VWF: variants seen among roughly 807,000 people sequenced by gnomAD.
VWF encodes von Willebrand factor.
In VWF, 176 loss-of-function variants were observed where a neutral mutation model predicts 308.6. That is an observed-to-expected ratio of 0.57 (90% CI 0.50 to 0.65). VWF has a LOEUF of 0.65. VWF is among the 30% of genes least tolerant of loss of function. The pLI is 0.00. For synonymous variants in VWF, 1,385 were observed against 1,443.4 expected, an observed-to-expected ratio of 0.96 and a Z score of 0.92; for missense variants, 3,146 against 3,648.2, an observed-to-expected ratio of 0.86 and a Z score of 3.55.
At chr12:6,049,791 G>C (rs1944488286) in intron 16 of VWF, among the ~76,000 whole-genome samples, 1 of 152,266 alleles carries the variant, frequency 6.6e-6, no homozygotes, top group South Asian at 2.1e-4. Flanking sequence ...CAAGTCAGCA[G>C]TCCTGCAGAG....
chr12:6,015,959 G>C, intron 31 of VWF, 130 bp downstream of exon 31: 1 of 1,204,578 alleles, frequency 8.3e-7, no homozygotes, highest in South Asian at 1.3e-5. Flanking sequence ...TTGAAACCAG[G>C]ACAGAGGTTG....
At chr12:6,122,968 T>G in intron 2 of VWF, 174 bp downstream of exon 2, 1 of 819,250 alleles carries the variant, frequency 1.2e-6, no homozygotes, top group Admixed American at 1.7e-5. Flanking sequence ...ACCTGGTCTC[T>G]GGAATACAAG....
intron 5 of VWF, among the ~76,000 whole-genome samples, chr12:6,103,679 A>G (rs1945209723): frequency 6.6e-6 from 1 of 152,010 alleles, no homozygotes; most frequent in Non-Finnish European, 1.5e-5. Context: ...ACCCTCTTCA[A>G]CAAATGTTGC....
chr12:6,066,162 T>C (rs1413727171), intron 10 of VWF, among the ~76,000 whole-genome samples: 1 of 152,070 alleles, frequency 6.6e-6, no homozygotes, highest in Non-Finnish European at 1.5e-5. Flanking sequence ...CTAGGCCCCA[T>C]ACTTGTGGCC....
chr12:5,985,221 G>T, intron 39 of VWF, 102 bp from the exon 40 acceptor site: 1 of 1,233,202 alleles, frequency 8.1e-7, no homozygotes, highest in Non-Finnish European at 1.2e-6. Flanking sequence ...TAGGAGTTCT[G>T]TACGGTCATC....
At chr12:6,073,586 T>C (rs752419629) in intron 8 of VWF, 33 bp downstream of exon 8, 2 of 1,613,688 alleles carry the variant, frequency 1.2e-6, no homozygotes, top group Non-Finnish European at 1.7e-6. Context: ...TGGCAAGGTC[T>C]CTGATCTGTA....
chr12:6,009,661 A>C (rs1943969570), intron 34 of VWF, among the ~76,000 whole-genome samples: 1 of 152,242 alleles, frequency 6.6e-6, no homozygotes, highest in Admixed American at 6.5e-5. Context: ...GATCTCAAAA[A>C]GGTACTTATA....
chr12:6,036,411 T>C lies in VWF; in HGVS notation c.2523A>G (p.Thr841=). The C allele has an allele frequency of 6.2e-7, 1 of 1,614,216 alleles. No individual in the cohort carries two copies. Among genetic ancestry groups the C allele is most frequent in the Non-Finnish European group, 8.5e-7 (1 of 1,180,024 alleles). ...ACCAAGTGTTGCAGCCAATCTTCACTGTTTCTCCAGGGGCATACTCCTTGC... is the reference window on the plus strand; with the variant it reads ...ACCAAGTGTTGCAGCCAATCTTCACCGTTTCTCCAGGGGCATACTCCTTGC... The part of the protein sequence containing the change: ...HQGKEYAPGE[T]VKIGCNTCVC... The change falls in exon 19 of 52, where the codon ACA becomes ACG. Residue 841 remains threonine, a synonymous_variant. Coordinates refer to ENST00000261405, the MANE Select transcript of VWF (RefSeq NM_000552.5).
At chr12:6,106,023 C>T (rs1400979016) in intron 5 of VWF, among the ~76,000 whole-genome samples, 1 of 152,008 alleles carries the variant, frequency 6.6e-6, no homozygotes, top group East Asian at 1.9e-4. Flanking sequence ...AGCCTGGCGA[C>T]AGAGGGAAAC....
At chr12:6,066,982 C>T (rs1196344991) in intron 10 of VWF, among the ~76,000 whole-genome samples, 2 of 152,202 alleles carry the variant, frequency 1.3e-5, no homozygotes, top group Non-Finnish European at 1.5e-5. Context: ...TCCAGGACAG[C>T]ATGGGTCAGG....
intron 6 of VWF, among the ~76,000 whole-genome samples, chr12:6,079,388 A>T (rs181090115): frequency 3.9e-5 from 6 of 152,090 alleles, no homozygotes; most frequent in Admixed American, 6.5e-5. Context: ...GGGCGGATCA[A>T]GAGGTCAGGA....
chr12:6,092,616 A>AAAGTGTGT (rs1555073712), intron 6 of VWF, among the ~76,000 whole-genome samples: 6 of 96,622 alleles, frequency 6.2e-5, no homozygotes, highest in Non-Finnish European at 1.0e-4. Flanking sequence ...TGAGTGAGTG[A>AAAGTGTGT]GAGTGTGTGT....
At chr12:6,027,070 G>A (rs1382759119) in intron 22 of VWF, among the ~76,000 whole-genome samples, 1 of 152,104 alleles carries the variant, frequency 6.6e-6, no homozygotes, top group East Asian at 1.9e-4. Flanking sequence ...TTGGTACAAG[G>A]GGTGTAAGTC....
chr12:5,973,831 T>C (rs187518965), intron 43 of VWF, among the ~76,000 whole-genome samples: 28 of 151,974 alleles, frequency 1.8e-4, no homozygotes, highest in African/African-American at 6.8e-4. Flanking sequence ...GGGTGAGGAG[T>C]CAGATGGCCA....
rs1448333702 is a variant in VWF at position 6,110,361 on chromosome 12, C to A, written c.532+13G>T. 6.2e-7 allele frequency: 1 copy of A among 1,613,538 alleles called. No individual in the cohort carries two copies. On this transcript the variant is annotated intron_variant, in intron 5 of 51. Transcript: ENST00000261405. ...GCCACACTTTAGGGAAATGGTATCC[C>A]AGAACATCTTACCTTCTTGGGTCAT... is the stretch of plus-strand genomic sequence containing the variant.
intron 6 of VWF, among the ~76,000 whole-genome samples, chr12:6,083,421 C>T (rs2136484080): frequency 6.6e-6 from 1 of 152,252 alleles, no homozygotes; most frequent in Admixed American, 6.5e-5. Context: ...CAAAATTAGC[C>T]AGGCGTGGTG....
intron 40 of VWF, 51 bp downstream of exon 40, chr12:5,984,994 C>T: frequency 1.3e-6 from 2 of 1,592,154 alleles, no homozygotes; most frequent in Admixed American, 1.7e-5. Flanking sequence ...ACGTGGTGCC[C>T]CCTGGGGCTA....
chr12:6,026,067 A>G, intron 22 of VWF, 21 bp from the exon 23 acceptor site: 1 of 1,613,924 alleles, frequency 6.2e-7, no homozygotes, highest in Non-Finnish European at 8.5e-7. Context: ...AAGTTGAGGG[A>G]TGAGCACCGT....
chr12:6,108,172 T>C lies in VWF; in HGVS notation c.532+2202A>G, dbSNP rs890371268. Reference sequence around the variant, plus strand: ...AGCCAGGCGTGGTGACACCTGGATGTAGTCCCAGCTACTCAGGAGGCTGAG... The same window carrying C: ...AGCCAGGCGTGGTGACACCTGGATGCAGTCCCAGCTACTCAGGAGGCTGAG... On this transcript the variant is annotated intron_variant, in intron 5 of 51. Coordinates refer to ENST00000261405, the MANE Select transcript of VWF (RefSeq NM_000552.5). Among the ~76,000 whole-genome samples the C allele has an allele frequency of 2.6e-5, 4 of 151,516 alleles. No individual in the cohort carries two copies. The South Asian group carries it at 8.4e-4, about 32-fold the overall frequency.
Sources: gnomAD v4.1 joint callset for allele counts (sites outside exome capture counted in the v4.1 genomes callset) on GRCh38, gnomAD v4.1.1 for gene constraint, MANE v1.5 for transcripts, NCBI Gene and HGNC (gene_info 2026-07-23, HGNC 2026-07-21) for gene names.